TCF4: variants seen among roughly 807,000 people sequenced by gnomAD.
The protein encoded by TCF4 is transcription factor 4, also known as SL3-3 enhancer factor 2.
A neutral mutation model predicts 82.1 loss-of-function variants in TCF4; 3 were observed. The observed-to-expected ratio is 0.04, with a 90% CI of 0.02 to 0.09. The LOEUF is 0.09. Ranked by LOEUF, TCF4 falls within the 10% of genes least tolerant of loss-of-function variation. The pLI is 1.00. For missense variants in TCF4, 518 were observed against 852.7 expected, an observed-to-expected ratio of 0.61 and a Z score of 4.89; for synonymous variants, 276 against 309.6, an observed-to-expected ratio of 0.89 and a Z score of 1.14.
chr18:55,399,181 T>A (rs1279230802), intron 6 of TCF4, among the ~76,000 whole-genome samples: 5 of 152,202 alleles, frequency 3.3e-5, no homozygotes, highest in Non-Finnish European at 5.9e-5. Context: ...TAATACCTAT[T>A]GAATCAAAAG....
chr18:55,318,587 A>G (rs1200376972), intron 8 of TCF4, among the ~76,000 whole-genome samples: 1 of 152,138 alleles, frequency 6.6e-6, no homozygotes, highest in East Asian at 1.9e-4. Flanking sequence ...ATTCTGGTTT[A>G]TATCCAAAAT....
intron 8 of TCF4, among the ~76,000 whole-genome samples, chr18:55,327,772 A>G (rs867156348): frequency 2.0e-5 from 3 of 152,294 alleles, no homozygotes; most frequent in East Asian, 1.9e-4. Context: ...AAGAAAGAAG[A>G]GACTTCTCAT....
At chr18:55,399,876 TCTCTCACACACACACACACA>T (rs1333131985) in intron 6 of TCF4, among the ~76,000 whole-genome samples, 2 of 118,588 alleles carry the variant, frequency 1.7e-5, no homozygotes, top group Admixed American at 9.0e-5. Context: ...TCTCTCTCTC[TCTCTCACACACACACACACA>T]CACACACACA....
intron 16 of TCF4, among the ~76,000 whole-genome samples, chr18:55,232,997 T>G (rs528415011): frequency 6.6e-6 from 1 of 152,312 alleles, no homozygotes; most frequent in Admixed American, 6.5e-5. Context: ...CAAGTAAATA[T>G]CAGCTATTAT....
chr18:55,238,150 G>A (rs772571770), intron 15 of TCF4, among the ~76,000 whole-genome samples: 3 of 152,284 alleles, frequency 2.0e-5, no homozygotes, highest in Middle Eastern at 3.4e-3. Context: ...ATGACATTTC[G>A]TCCCTATTTT....
intron 10 of TCF4, among the ~76,000 whole-genome samples, chr18:55,271,068 C>T (rs566268004): frequency 6.6e-6 from 1 of 152,072 alleles, no homozygotes; most frequent in Non-Finnish European, 1.5e-5. Flanking sequence ...GTATTTAAAA[C>T]CCAAGCATTT....
upstream of TCF4, chr18:55,588,479 C>T (rs1880560281): frequency 6.5e-7 from 1 of 1,535,090 alleles, no homozygotes; most frequent in Non-Finnish European, 8.7e-7. Context: ...CCTCATTTTT[C>T]CTCAGATCGT....
intron 6 of TCF4, among the ~76,000 whole-genome samples, chr18:55,363,287 A>C (rs949904358): frequency 2.6e-5 from 4 of 152,228 alleles, no homozygotes; most frequent in African/African-American, 7.2e-5. Flanking sequence ...GAAAATGATA[A>C]ATTATTCAAT....
intron 14 of TCF4, among the ~76,000 whole-genome samples, chr18:55,256,266 C>A (rs1251737265): frequency 6.6e-6 from 1 of 152,116 alleles, no homozygotes. Context: ...TAACTATACA[C>A]CCCGTCTTTA....
chr18:55,394,926 C>G (rs2093401732), intron 6 of TCF4, among the ~76,000 whole-genome samples: 1 of 152,194 alleles, frequency 6.6e-6, no homozygotes, highest in Non-Finnish European at 1.5e-5. Context: ...GCAGCAGACT[C>G]AACGATATAT....
chr18:55,439,205 C>A (rs2095390898), intron 5 of TCF4, among the ~76,000 whole-genome samples: 1 of 152,166 alleles, frequency 6.6e-6, no homozygotes, highest in African/African-American at 2.4e-5. Context: ...TTCGTGGCCA[C>A]TGGTGGGGAG....
chr18:55,468,879 T>G (rs1442914330), intron 3 of TCF4, among the ~76,000 whole-genome samples: 1 of 28,118 alleles, frequency 3.6e-5, no homozygotes, highest in Non-Finnish European at 7.3e-5. Context: ...TATTTAGTTC[T>G]CGCCCCCCCC....
At chr18:55,444,821 A>C (rs1266491551) in intron 5 of TCF4, among the ~76,000 whole-genome samples, 1 of 152,204 alleles carries the variant, frequency 6.6e-6, no homozygotes, top group Non-Finnish European at 1.5e-5. Context: ...TGACCACCTT[A>C]ATCCCCCATG....
At chr18:55,237,343 T>C (rs1422139153) in intron 15 of TCF4, among the ~76,000 whole-genome samples, 1 of 152,196 alleles carries the variant, frequency 6.6e-6, no homozygotes, top group African/African-American at 2.4e-5. Flanking sequence ...ATATAGTTGT[T>C]CCAACTACAT....
chr18:55,548,535 C>T (rs1447878987), intron 3 of TCF4, among the ~76,000 whole-genome samples: 1 of 152,140 alleles, frequency 6.6e-6, no homozygotes, highest in African/African-American at 2.4e-5. Context: ...TTACATTCTG[C>T]CCCTTGCAAT....
intron 3 of TCF4, among the ~76,000 whole-genome samples, chr18:55,511,085 T>C (rs2096823233): frequency 6.6e-6 from 1 of 152,146 alleles, no homozygotes; most frequent in African/African-American, 2.4e-5. Flanking sequence ...ACTGTCGTCA[T>C]TTCTTTGGGG....
At chr18:55,263,328 A>T (rs1300039953) in intron 11 of TCF4, among the ~76,000 whole-genome samples, 1 of 152,198 alleles carries the variant, frequency 6.6e-6, no homozygotes, top group African/African-American at 2.4e-5. Flanking sequence ...AGGGTCTGAC[A>T]TCATACAATT....
At chr18:55,459,101 T>C (rs996784740) in intron 5 of TCF4, among the ~76,000 whole-genome samples, 7 of 152,142 alleles carry the variant, frequency 4.6e-5, no homozygotes, top group African/African-American at 1.7e-4. Context: ...GCATTTCCTA[T>C]CACAATGCAG....
In TCF4 at chr18:55,403,538, A is replaced by G; in HGVS notation, c.305-20T>C. 6.2e-7 allele frequency: 1 copy of G among 1,613,880 alleles called. No homozygotes were observed. The highest frequency in any genetic ancestry group is 8.5e-7 in the Non-Finnish European group (1 of 1,179,824). On this transcript the variant is annotated intron_variant, in intron 5 of 19. Transcript: ENST00000354452. ...TTTTACCTGCCAAGAGAAACGACAAAAAAGTGTAAATTGTGTTTTTCCTTA... is the reference window on the plus strand; with the variant it reads ...TTTTACCTGCCAAGAGAAACGACAAGAAAGTGTAAATTGTGTTTTTCCTTA...
Sources: allele counts gnomAD v4.1 joint callset (sites outside exome capture counted in the v4.1 genomes callset), GRCh38; gene constraint gnomAD v4.1.1; transcripts MANE v1.5; gene names NCBI Gene and HGNC (gene_info 2026-07-23, HGNC 2026-07-21).